The following ADISSP variants were observed in gnomAD, a reference collection of about 807,000 sequenced individuals.
ADISSP encodes adipose secreted signaling protein.
At chr20:3,756,144 G>C in the ADISSP span, among the ~76,000 whole-genome samples, 2 of 152,200 alleles carry the variant, frequency 1.3e-5, no homozygotes, top group Non-Finnish European at 2.9e-5. Context: ...TGAGGGATGG[G>C]ATCAAATTAG....
the ADISSP span, among the ~76,000 whole-genome samples, chr20:3,757,984 T>C: frequency 1.3e-5 from 2 of 149,408 alleles, no homozygotes; most frequent in Non-Finnish European, 3.0e-5. Context: ...CAGTCTCCAT[T>C]TTCCCCAATC....
At chr20:3,754,308 T>G in the ADISSP span, 1 of 1,532,536 alleles carries the variant, frequency 6.5e-7, no homozygotes, top group Non-Finnish European at 9.0e-7. Context: ...CAAGGATCCC[T>G]TGTTCAGCCT....
chr20:3,767,942 C>T, the ADISSP span: 1 of 152,292 alleles, frequency 6.6e-6, no homozygotes, highest in Admixed American at 6.5e-5. Flanking sequence ...GCCTGCCGGG[C>T]GAGCTCTCGC....
the ADISSP span, chr20:3,758,813 T>G: frequency 1.3e-6 from 1 of 789,876 alleles, no homozygotes; most frequent in East Asian, 2.7e-5. The surrounding 1 kb of genome is among the most constrained non-coding windows in gnomAD (Gnocchi z 5.5). Context: ...CAGGGCTAGA[T>G]GGACACTAGG....
At chr20:3,757,775 TGC>T in the ADISSP span, among the ~76,000 whole-genome samples, 14 of 152,256 alleles carry the variant, frequency 9.2e-5, 1 homozygote, top group South Asian at 1.2e-3. Context: ...ACTACAGGCG[TGC>T]GCCACCACGC....
chr20:3,761,344 T>G, the ADISSP span, among the ~76,000 whole-genome samples: 2 of 151,128 alleles, frequency 1.3e-5, no homozygotes, highest in Non-Finnish European at 3.0e-5. Context: ...TTGTTTTTTT[T>G]TTTTTTCTGA....
chr20:3,754,631 C>G, the ADISSP span: 1 of 1,139,872 alleles, frequency 8.8e-7, no homozygotes, highest in East Asian at 2.4e-5. Flanking sequence ...GCTAAGCCCC[C>G]CCAAGAAAGG....
At chr20:3,760,467 C>T in the ADISSP span, among the ~76,000 whole-genome samples, 6 of 152,196 alleles carry the variant, frequency 3.9e-5, no homozygotes, top group African/African-American at 1.4e-4. Flanking sequence ...GCATAGGACT[C>T]CTATCCCCAG....
the ADISSP span, among the ~76,000 whole-genome samples, chr20:3,756,668 A>G: frequency 6.6e-6 from 1 of 152,206 alleles, no homozygotes; most frequent in Non-Finnish European, 1.5e-5. Flanking sequence ...ATCCCTCAAG[A>G]AGGCTTTCTG....
At chr20:3,755,881 T>C in the ADISSP span, among the ~76,000 whole-genome samples, 43,985 of 152,096 alleles carry the variant, frequency 0.29, 6,908 homozygotes, top group Non-Finnish European at 0.36. Context: ...GCTCATTTCA[T>C]AGACAGGAAA....
chr20:3,761,957 TTTTTTGTTTTTG>T, the ADISSP span, among the ~76,000 whole-genome samples: 1 of 152,204 alleles, frequency 6.6e-6, no homozygotes, highest in Admixed American at 6.5e-5. Context: ...GACTGACCTG[TTTTTTGTTTTTG>T]TTTTTGTTTT....
At chr20:3,756,933 CA>C in the ADISSP span, among the ~76,000 whole-genome samples, 1 of 151,996 alleles carries the variant, frequency 6.6e-6, no homozygotes, top group Non-Finnish European at 1.5e-5. Flanking sequence ...CAGAAGCAAG[CA>C]AAAACCAGTG....
At chr20:3,757,654 A>T in the ADISSP span, among the ~76,000 whole-genome samples, 1 of 152,086 alleles carries the variant, frequency 6.6e-6, no homozygotes, top group African/African-American at 2.4e-5. Flanking sequence ...TGTTTGAGAC[A>T]GAGTCTTTCT....
At chr20:3,756,938 A>G in the ADISSP span, among the ~76,000 whole-genome samples, 1 of 152,146 alleles carries the variant, frequency 6.6e-6, no homozygotes, top group Non-Finnish European at 1.5e-5. Flanking sequence ...GCAAGCAAAA[A>G]CCAGTGTGGA....
chr20:3,760,255 A>C, the ADISSP span: 1 of 623,708 alleles, frequency 1.6e-6, no homozygotes, highest in Non-Finnish European at 2.9e-6. Flanking sequence ...GGGACACCAG[A>C]GGAGCTCCCT....
chr20:3,762,747 G>C, the ADISSP span, among the ~76,000 whole-genome samples: 5 of 152,190 alleles, frequency 3.3e-5, no homozygotes, highest in Non-Finnish European at 7.3e-5. Flanking sequence ...TTACTTCCAA[G>C]TAGTTATGAT....
the ADISSP span, chr20:3,753,893 G>T: frequency 1.6e-6 from 1 of 620,702 alleles, no homozygotes; most frequent in African/African-American, 1.8e-5. Context: ...GGGAGGGGCA[G>T]GGTGGCAGCA....
At chr20:3,756,469 G>A in the ADISSP span, among the ~76,000 whole-genome samples, 1 of 152,124 alleles carries the variant, frequency 6.6e-6, no homozygotes, top group East Asian at 1.9e-4. Context: ...AAGGGTGCCT[G>A]CTGTACTCCC....
the ADISSP span, among the ~76,000 whole-genome samples, chr20:3,761,864 AAC>A: frequency 1.3e-5 from 2 of 152,242 alleles, no homozygotes; most frequent in Non-Finnish European, 2.9e-5. Context: ...ATTTGCTAAA[AAC>A]ACAGAGGAGA....
Sources: gnomAD v4.1 joint callset for allele counts (sites outside exome capture counted in the v4.1 genomes callset) on GRCh38, gnomAD v4.1.1 for gene constraint, Gnocchi (gnomAD v3.1) non-coding constraint, MANE v1.5 for transcripts, NCBI Gene and HGNC (gene_info 2026-07-23, HGNC 2026-07-21) for gene names.